The following MARCHF1 variants were observed in gnomAD, a reference collection of about 807,000 sequenced individuals.
MARCHF1 encodes the protein E3 ubiquitin-protein ligase MARCHF1.
Under a neutral mutation model 54.2 loss-of-function variants are expected in MARCHF1, and 40 were observed. That is an observed-to-expected ratio of 0.74 (90% CI 0.57 to 0.96). The LOEUF is 0.96. Ranked by LOEUF, MARCHF1 falls within the 40% of genes least tolerant of loss-of-function variation. MARCHF1 has a pLI of 0.00. For synonymous variants in MARCHF1, 236 were observed against 236.3 expected (o/e 1.00, Z 0.01); for missense variants, 586 against 656.5 (o/e 0.89, Z 1.17).
intron 4 of MARCHF1, among the ~76,000 whole-genome samples, chr4:163,743,284 C>T (rs1031706982): frequency 6.6e-6 from 1 of 152,194 alleles, no homozygotes; most frequent in African/African-American, 2.4e-5. Context: ...GACAGTTCCA[C>T]TGCTTTTACT....
chr4:163,932,507 T>C (rs1271056466), intron 3 of MARCHF1: 2 of 360,578 alleles, frequency 5.5e-6, no homozygotes, highest in Non-Finnish European at 1.1e-5. Flanking sequence ...AACAAACTAC[T>C]TTCACCCTGA....
intron 1 of MARCHF1, among the ~76,000 whole-genome samples, chr4:164,278,031 T>G (rs1255514938): frequency 1.3e-5 from 2 of 152,252 alleles, no homozygotes; most frequent in East Asian, 3.9e-4. Context: ...AAAAGAAAAC[T>G]GGCCAGGTAC....
At chr4:164,034,118 G>GATAGATAA (rs370096961) in intron 2 of MARCHF1, among the ~76,000 whole-genome samples, 1 of 147,040 alleles carries the variant, frequency 6.8e-6, no homozygotes, top group African/African-American at 2.6e-5. Flanking sequence ...TAGATAGATA[G>GATAGATAA]AGATATATAC....
chr4:164,123,172 T>C (rs1439473884), intron 1 of MARCHF1, among the ~76,000 whole-genome samples: 1 of 152,020 alleles, frequency 6.6e-6, no homozygotes, highest in African/African-American at 2.4e-5. Context: ...CAACAGTGAA[T>C]AATGTGAAAA....
chr4:164,088,992 T>A (rs1350034900), intron 2 of MARCHF1, among the ~76,000 whole-genome samples: 2 of 152,160 alleles, frequency 1.3e-5, no homozygotes, highest in African/African-American at 4.8e-5. Context: ...GTTTTAAGCT[T>A]CATGAAAACA....
At chr4:163,817,118 T>A (rs1401378701) in intron 4 of MARCHF1, among the ~76,000 whole-genome samples, 1 of 152,048 alleles carries the variant, frequency 6.6e-6, no homozygotes, top group East Asian at 1.9e-4. Context: ...CATGCCAGGG[T>A]ATTTTGGAAA....
chr4:164,071,097 C>T (rs773338484), intron 2 of MARCHF1, among the ~76,000 whole-genome samples: 19 of 152,064 alleles, frequency 1.2e-4, no homozygotes, highest in Non-Finnish European at 1.5e-4. Context: ...TTCCCAGTTT[C>T]GAGTATGTCT....
intron 2 of MARCHF1, among the ~76,000 whole-genome samples, chr4:164,021,941 A>T (rs1053753982): frequency 6.6e-6 from 1 of 151,756 alleles, no homozygotes; most frequent in East Asian, 1.9e-4. Flanking sequence ...GGTTAATTTT[A>T]TTGTCTATGG....
chr4:163,813,057 G>T (rs752059584), intron 4 of MARCHF1, among the ~76,000 whole-genome samples: 10 of 152,118 alleles, frequency 6.6e-5, no homozygotes, highest in Non-Finnish European at 1.2e-4. Context: ...GTGGATTTAG[G>T]AATTATAGAC....
At chr4:163,782,500 G>T (rs749998811) in intron 4 of MARCHF1, among the ~76,000 whole-genome samples, 1 of 151,696 alleles carries the variant, frequency 6.6e-6, no homozygotes. Flanking sequence ...GTGAAACCCC[G>T]TCTCTACAAA....
At chr4:163,897,928 G>A (rs1381543428) in intron 3 of MARCHF1, among the ~76,000 whole-genome samples, 3 of 151,828 alleles carry the variant, frequency 2.0e-5, no homozygotes, top group Admixed American at 2.0e-4. Flanking sequence ...AGGCATGGTG[G>A]CGGGCGCCTG....
rs190578670 is a variant in MARCHF1, at chr4:164,325,893, G to A, written c.-323+57977C>T. 8.0e-4 allele frequency among the ~76,000 whole-genome samples: 121 copies of A among 152,070 alleles called. 1 individual carries two copies. Among genetic ancestry groups the A allele is most frequent in the African/African-American group, 2.8e-3 (115 of 41,506 alleles). On this transcript the variant is annotated intron_variant, in intron 1 of 9. Transcript: ENST00000514618. The stretch of plus-strand genomic sequence containing the variant: ...CAAGGGGAAAAATAAAAATAAAAAC[G>A]AAAATAAATTTAAAATAACATTTTG...
chr4:163,844,820 T>C (rs1749439273), intron 4 of MARCHF1, among the ~76,000 whole-genome samples: 1 of 152,188 alleles, frequency 6.6e-6, no homozygotes, highest in Non-Finnish European at 1.5e-5. Context: ...CAGTGCAATC[T>C]GTAATGGACC....
intron 4 of MARCHF1, among the ~76,000 whole-genome samples, chr4:163,847,730 G>A (rs993578133): frequency 6.6e-6 from 1 of 151,772 alleles, no homozygotes; most frequent in African/African-American, 2.4e-5. Flanking sequence ...ACAGGTGGCT[G>A]CCACCAGGCC....
intron 3 of MARCHF1, among the ~76,000 whole-genome samples, chr4:163,873,521 A>T (rs1335270044): frequency 6.6e-6 from 1 of 152,122 alleles, no homozygotes; most frequent in Non-Finnish European, 1.5e-5. Context: ...AAGGTTCCTG[A>T]TGGTGGGAGA....
intron 2 of MARCHF1, among the ~76,000 whole-genome samples, chr4:164,030,229 GT>G (rs1193936134): frequency 3.3e-5 from 5 of 151,160 alleles, no homozygotes; most frequent in African/African-American, 1.2e-4. Flanking sequence ...ATAAAACAGA[GT>G]TTAAAAAAAT....
chr4:163,789,389 A>G (rs1747709369), intron 4 of MARCHF1, among the ~76,000 whole-genome samples: 1 of 151,980 alleles, frequency 6.6e-6, no homozygotes, highest in Non-Finnish European at 1.5e-5. Flanking sequence ...GAAAAATAAC[A>G]AATAGGGACT....
chr4:163,924,987 A>G (rs987181854), intron 3 of MARCHF1, among the ~76,000 whole-genome samples: 2 of 151,804 alleles, frequency 1.3e-5, no homozygotes, highest in African/African-American at 4.8e-5. Context: ...CTCATGAGCA[A>G]AACTGCAGAA....
chr4:164,279,907 C>G (rs1162799613), intron 1 of MARCHF1, among the ~76,000 whole-genome samples: 1 of 151,406 alleles, frequency 6.6e-6, no homozygotes, highest in African/African-American at 2.4e-5. Context: ...AAATTAAGAC[C>G]AGCTTTACAT....
Sources: gnomAD v4.1 joint callset for allele counts (sites outside exome capture counted in the v4.1 genomes callset) on GRCh38, gnomAD v4.1.1 for gene constraint, MANE v1.5 for transcripts, NCBI Gene and HGNC (gene_info 2026-07-23, HGNC 2026-07-21) for gene names.